HCN1: variants seen among roughly 807,000 people sequenced by gnomAD.
The protein encoded by HCN1 is hyperpolarization activated cyclic nucleotide gated potassium channel 1, also known as potassium/sodium hyperpolarization-activated cyclic nucleotide-gated channel 1.
A neutral mutation model predicts 78.9 loss-of-function variants in HCN1; 13 were observed. The ratio of observed to expected loss-of-function variants is 0.16; its 90% confidence interval spans 0.11 to 0.26. The LOEUF (loss-of-function observed/expected upper bound fraction) is 0.26, where lower values mean the gene tolerates loss of function less well. Ranked by LOEUF, HCN1 falls within the 10% of genes least tolerant of loss-of-function variation. The probability of loss-of-function intolerance (pLI) is 1.00; values close to 1 mark genes in which losing one functional copy is unlikely to be tolerated. For synonymous variants in HCN1, 552 were observed against 455.5 expected, an observed-to-expected ratio of 1.21 and a Z score of -2.70; for missense variants, 810 against 1,154.3, an observed-to-expected ratio of 0.70 and a Z score of 4.32.
chr5:45,598,757 A>G (rs1167711235), intron 2 of HCN1, among the ~76,000 whole-genome samples: 2 of 152,226 alleles, frequency 1.3e-5, no homozygotes, highest in African/African-American at 4.8e-5. Flanking sequence ...GGCAAAAGAT[A>G]TGAACAGACA....
At chr5:45,646,499 G>A (rs999312916) in intron 1 of HCN1, among the ~76,000 whole-genome samples, 2 of 149,914 alleles carry the variant, frequency 1.3e-5, no homozygotes, top group African/African-American at 2.5e-5. Context: ...TCAGCCTCCC[G>A]AGTAGCTGGC....
chr5:45,533,071 C>T (rs1742892522), intron 2 of HCN1, among the ~76,000 whole-genome samples: 1 of 152,132 alleles, frequency 6.6e-6, no homozygotes, highest in South Asian at 2.1e-4. Context: ...AGATTTCGAG[C>T]TCTGAGGAAA....
At position 45,353,086 on chromosome 5, in the gene HCN1, A is replaced by T; in HGVS notation, c.1377+14T>A. ...TGATTATGTATTATGCATACTGAGG[A>T]CAATAAATCTTACCTCTCTCAGAGG... On this transcript the variant is annotated intron_variant, in intron 5 of 7. Transcript: ENST00000303230. 6.3e-7 allele frequency: 1 copy of T among 1,598,612 alleles called. No individual in the cohort carries two copies. Among genetic ancestry groups the T allele is most frequent in the Non-Finnish European group, 8.6e-7 (1 of 1,167,712 alleles).
chr5:45,565,895 C>G, intron 2 of HCN1, among the ~76,000 whole-genome samples: 1 of 152,122 alleles, frequency 6.6e-6, no homozygotes, highest in East Asian at 1.9e-4. Flanking sequence ...TTGAATATGA[C>G]ACAGTTTTGA....
chr5:45,452,385 T>C lies in HCN1; in HGVS notation c.1011+9461A>G, dbSNP rs1740938195. On this transcript the variant is annotated intron_variant, in intron 3 of 7. Transcript: ENST00000303230. ...ATGCAGGTTTGCTATACAGGAAAAT[T>C]GCAAGTCACAGGGGTTTGATATAGA... Among the ~76,000 whole-genome samples the C allele has an allele frequency of 2.0e-5, 3 of 151,506 alleles. No homozygotes were observed. In the South Asian group the frequency reaches 6.2e-4, roughly 31 times the overall value.
intron 4 of HCN1, among the ~76,000 whole-genome samples, chr5:45,375,912 CTTATATA>C (rs1747635354): frequency 8.7e-6 from 1 of 115,464 alleles, no homozygotes; most frequent in African/African-American, 3.5e-5. Context: ...AATATTTTAT[CTTATATA>C]TTATATATGA....
intron 4 of HCN1, among the ~76,000 whole-genome samples, chr5:45,373,935 A>T (rs1747507152): frequency 7.8e-6 from 1 of 128,508 alleles, no homozygotes; most frequent in Non-Finnish European, 1.6e-5. Flanking sequence ...CATATATATT[A>T]CATACGGTAT....
chr5:45,431,046 A>G (rs1026262463), intron 3 of HCN1, among the ~76,000 whole-genome samples: 1 of 152,180 alleles, frequency 6.6e-6, no homozygotes, highest in Non-Finnish European at 1.5e-5. Flanking sequence ...TGGTTGAACT[A>G]AACTCCCAGC....
intron 1 of HCN1, among the ~76,000 whole-genome samples, chr5:45,679,875 T>C (rs2112087223): frequency 6.6e-6 from 1 of 152,190 alleles, no homozygotes; most frequent in East Asian, 1.9e-4. Context: ...CACATTTTGG[T>C]CATTACTATC....
At chr5:45,678,471 C>T (rs903662563) in intron 1 of HCN1, among the ~76,000 whole-genome samples, 7 of 151,908 alleles carry the variant, frequency 4.6e-5, no homozygotes, top group African/African-American at 1.7e-4. Flanking sequence ...TAGATTGCAA[C>T]CTAATGACAA....
At chr5:45,524,591 T>C (rs1198482256) in intron 2 of HCN1, among the ~76,000 whole-genome samples, 12 of 152,160 alleles carry the variant, frequency 7.9e-5, no homozygotes. Context: ...TAAGTTGGAT[T>C]CCTAGGTATT....
intron 2 of HCN1, among the ~76,000 whole-genome samples, chr5:45,582,987 T>C (rs1359752781): frequency 6.6e-6 from 1 of 152,086 alleles, no homozygotes; most frequent in South Asian, 2.1e-4. Context: ...TTCTCTTTTT[T>C]TTTTTTGTTG....
At chr5:45,603,586 T>C (rs1744668140) in intron 2 of HCN1, among the ~76,000 whole-genome samples, 1 of 152,058 alleles carries the variant, frequency 6.6e-6, no homozygotes, top group Non-Finnish European at 1.5e-5. Flanking sequence ...CATTGAATGG[T>C]TGAATTTGTT....
At chr5:45,658,673 G>A (rs368672111) in intron 1 of HCN1, among the ~76,000 whole-genome samples, 6 of 151,320 alleles carry the variant, frequency 4.0e-5, no homozygotes, top group South Asian at 2.1e-4. Flanking sequence ...TTCCCTTTCC[G>A]AGTCAAAGAA....
At chr5:45,368,937 A>C (rs1747293951) in intron 4 of HCN1, among the ~76,000 whole-genome samples, 1 of 152,036 alleles carries the variant, frequency 6.6e-6, no homozygotes, top group South Asian at 2.1e-4. Context: ...GAGGTTTTAG[A>C]ATGTTTCCAT....
At chr5:45,268,460 A>G (rs1744901272) in intron 6 of HCN1, among the ~76,000 whole-genome samples, 1 of 152,240 alleles carries the variant, frequency 6.6e-6, no homozygotes, top group South Asian at 2.1e-4. Flanking sequence ...AAGGAAATAA[A>G]TATAATATTA....
intron 4 of HCN1, among the ~76,000 whole-genome samples, chr5:45,371,830 TTTATA>T (rs1747369985): frequency 7.6e-6 from 1 of 132,188 alleles, no homozygotes; most frequent in South Asian, 2.2e-4. Context: ...TTTTCTACTA[TTTATA>T]TTATATATAA....
chr5:45,266,756 G>A lies in HCN1; in HGVS notation c.1783+333C>T, dbSNP rs191286794. Among the ~76,000 whole-genome samples the A allele has an allele frequency of 2.0e-3, 297 of 150,456 alleles. 2 individuals carry two copies. The highest frequency in any genetic ancestry group is 6.7e-3 in the African/African-American group (275 of 40,868). On this transcript the variant is annotated intron_variant, in intron 7 of 7. Coordinates refer to ENST00000303230, the MANE Select transcript of HCN1 (RefSeq NM_021072.4). ...CAAGGTTTCACTCTCTCTCCCAGAC[G>A]GGAGTGCAGTGGTACCATCTTGGTT...
intron 1 of HCN1, among the ~76,000 whole-genome samples, chr5:45,695,429 G>T (rs1304333339): frequency 6.6e-6 from 1 of 152,182 alleles, no homozygotes; most frequent in Non-Finnish European, 1.5e-5. Context: ...AAGTTCAGGA[G>T]GCCAAGGAGG....
Sources: gnomAD v4.1 joint callset for allele counts (sites outside exome capture counted in the v4.1 genomes callset) on GRCh38, gnomAD v4.1.1 for gene constraint, MANE v1.5 for transcripts, NCBI Gene and HGNC (gene_info 2026-07-23, HGNC 2026-07-21) for gene names.